Variants in NLGN4Y observed in about 807,000 individuals in gnomAD.
NLGN4Y encodes neuroligin-4, Y-linked.
Under a neutral mutation model 8.4 loss-of-function variants are expected in NLGN4Y, and 4 were observed. The ratio of observed to expected loss-of-function variants is 0.48; its 90% CI spans 0.23 to 1.09. The LOEUF (loss-of-function observed/expected upper bound fraction) is 1.09, where lower values mean the gene tolerates loss of function less well. Among genes scored for constraint, NLGN4Y ranks in the 50% least tolerant of loss-of-function variants. NLGN4Y has a pLI of 0.19. For synonymous variants in NLGN4Y, 35 were observed against 75.6 expected (o/e 0.46, Z 2.78); for missense variants, 90 against 192.3 (o/e 0.47, Z 3.15).
intron 4 of NLGN4Y, among the ~76,000 whole-genome samples, chrY:14,750,949 C>T: frequency 3.0e-5 from 1 of 33,333 alleles, no homozygotes; most frequent in Non-Finnish European, 7.4e-5. Context: ...ATTTTCCATG[C>T]TTTTCTTTAT....
intron 1 of NLGN4Y, among the ~76,000 whole-genome samples, chrY:14,615,741 A>C (rs2080486557): frequency 3.0e-5 from 1 of 33,148 alleles, no homozygotes; most frequent in Non-Finnish European, 7.4e-5. Flanking sequence ...TGTTTATGTG[A>C]TGGATGACGT....
intron 2 of NLGN4Y, among the ~76,000 whole-genome samples, chrY:14,714,438 G>A (rs2080908804): frequency 1.8e-4 from 6 of 33,088 alleles, no homozygotes; most frequent in African/African-American, 7.1e-4. Context: ...GATTTGGCAA[G>A]TAATTTCTAT....
At chrY:14,671,477 G>A in intron 2 of NLGN4Y, among the ~76,000 whole-genome samples, 1 of 30,767 alleles carries the variant, frequency 3.3e-5, no homozygotes, top group Non-Finnish European at 7.8e-5. Flanking sequence ...GGTGCAGTGA[G>A]CTATGATCAA....
intron 4 of NLGN4Y, among the ~76,000 whole-genome samples, chrY:14,749,727 A>G (rs919307779): frequency 3.0e-5 from 1 of 33,876 alleles, no homozygotes; most frequent in African/African-American, 1.1e-4. Flanking sequence ...CATTTCCAAT[A>G]ACCAATGAAG....
chrY:14,590,538 A>C, intron 1 of NLGN4Y, among the ~76,000 whole-genome samples: 1 of 33,359 alleles, frequency 3.0e-5, no homozygotes, highest in South Asian at 6.9e-4. Context: ...TTGTTAGTTG[A>C]ACTCATTTGG....
intron 4 of NLGN4Y, among the ~76,000 whole-genome samples, chrY:14,749,247 A>G: frequency 2.4e-4 from 8 of 33,418 alleles, no homozygotes; most frequent in Non-Finnish European, 7.4e-5. Flanking sequence ...TACAGCTTGC[A>G]TGGTGCAAAG....
chrY:14,523,328 C>T (rs2080079348), upstream of NLGN4Y, among the ~76,000 whole-genome samples: 1 of 32,401 alleles, frequency 3.1e-5, no homozygotes, highest in Non-Finnish European at 7.5e-5. Context: ...GGGCCATGTG[C>T]GGTGTGTTTA....
intron 2 of NLGN4Y, among the ~76,000 whole-genome samples, chrY:14,694,326 C>G (rs2080821016): frequency 2.9e-5 from 1 of 33,913 alleles, no homozygotes; most frequent in African/African-American, 1.2e-4. Context: ...CAAGTGGTTC[C>G]TTATAGAGGA....
At chrY:14,604,037 T>G (rs2080438057) in intron 1 of NLGN4Y, among the ~76,000 whole-genome samples, 1 of 32,932 alleles carries the variant, frequency 3.0e-5, no homozygotes, top group Admixed American at 2.8e-4. Context: ...ATCCACATGT[T>G]GACATTGTAA....
chrY:14,582,951 G>T, intron 1 of NLGN4Y, among the ~76,000 whole-genome samples: 5 of 34,096 alleles, frequency 1.5e-4, no homozygotes, highest in African/African-American at 5.7e-4. Flanking sequence ...CTTGGTGATA[G>T]ATTTCCATGG....
At chrY:14,762,380 T>C in intron 4 of NLGN4Y, among the ~76,000 whole-genome samples, 3 of 34,410 alleles carry the variant, frequency 8.7e-5, no homozygotes, top group Non-Finnish European at 1.5e-4. Context: ...ATAGATCTGT[T>C]TTGATATTCC....
chrY:14,580,198 A>G, intron 1 of NLGN4Y, among the ~76,000 whole-genome samples: 2 of 19,284 alleles, frequency 1.0e-4, no homozygotes, highest in African/African-American at 4.3e-4. Context: ...TCACAAAAAA[A>G]AACAAAAAAC....
intron 1 of NLGN4Y, among the ~76,000 whole-genome samples, chrY:14,534,332 G>A (rs2080123981): frequency 3.0e-5 from 1 of 33,445 alleles, no homozygotes; most frequent in South Asian, 6.9e-4. Context: ...CAATATTTCT[G>A]GAAAACCTCA....
chrY:14,729,528 C>T, intron 4 of NLGN4Y, among the ~76,000 whole-genome samples: 3 of 33,713 alleles, frequency 8.9e-5, no homozygotes, highest in Admixed American at 8.1e-4. Context: ...AAGAAGAATA[C>T]AGTCTGAAGT....
chrY:14,617,712 T>C (rs375660675), intron 1 of NLGN4Y, among the ~76,000 whole-genome samples: 25 of 32,252 alleles, frequency 7.8e-4, no homozygotes, highest in African/African-American at 2.8e-3. Flanking sequence ...TCCCTTTCCC[T>C]AGGTGCTCTG....
intron 1 of NLGN4Y, among the ~76,000 whole-genome samples, chrY:14,584,731 A>G (rs946018467): frequency 3.0e-5 from 1 of 33,024 alleles, no homozygotes; most frequent in Non-Finnish European, 7.4e-5. Flanking sequence ...TGTAAAAATG[A>G]TATGTTTAAG....
At chrY:14,642,474 A>C (rs2150516217) in intron 2 of NLGN4Y, among the ~76,000 whole-genome samples, 1 of 33,472 alleles carries the variant, frequency 3.0e-5, no homozygotes, top group South Asian at 6.7e-4. Context: ...CATATTAATT[A>C]AATTTGTGGT....
intron 1 of NLGN4Y, among the ~76,000 whole-genome samples, chrY:14,557,339 C>T: frequency 3.0e-5 from 1 of 33,104 alleles, no homozygotes; most frequent in Non-Finnish European, 7.4e-5. Context: ...GACATACAAA[C>T]ATGCTTAATG....
intron 2 of NLGN4Y, among the ~76,000 whole-genome samples, chrY:14,664,249 A>G: frequency 3.0e-5 from 1 of 33,230 alleles, no homozygotes; most frequent in Non-Finnish European, 7.4e-5. Context: ...TTGTTTCTCT[A>G]TCTGTATTGT....
Sources: gnomAD v4.1 joint callset for allele counts (sites outside exome capture counted in the v4.1 genomes callset) on GRCh38, gnomAD v4.1.1 for gene constraint, MANE v1.5 for transcripts, NCBI Gene and HGNC (gene_info 2026-07-23, HGNC 2026-07-21) for gene names.